VPS26B: variants seen among roughly 807,000 people sequenced by gnomAD.
VPS26B encodes the protein VPS26 retromer complex component B, also known as vacuolar protein sorting-associated protein 26B.
A neutral mutation model predicts 33.3 loss-of-function variants in VPS26B; 10 were observed. The ratio of observed to expected loss-of-function variants is 0.30; its 90% confidence interval spans 0.19 to 0.51. The LOEUF is 0.51. Ranked by LOEUF, VPS26B falls within the 20% of genes least tolerant of loss-of-function variation. The probability of loss-of-function intolerance (pLI) is 0.98; values close to 1 mark genes in which losing one functional copy is unlikely to be tolerated. For missense variants in VPS26B, 317 were observed against 452.7 expected (o/e 0.70, Z 2.72); for synonymous variants, 190 against 176.9 (o/e 1.07, Z -0.59).
Position 134,245,735 on chromosome 11 carries a change from C to A in VPS26B, c.*145C>A, listed in dbSNP as rs545515402. ...ACAAATCATGTTTTTGACTTAAATT[C>A]TTTTCTCTGGAGAACCCAAGGGGCT... On this transcript the variant is annotated 3_prime_UTR_variant, in exon 6 of 6. Coordinates refer to ENST00000281187, the MANE Select transcript of VPS26B (RefSeq NM_052875.5). The surrounding 1 kb of genome is among the most constrained non-coding windows in gnomAD (Gnocchi z 4.7). The A allele has an allele frequency of 4.2e-6, 5 of 1,187,400 alleles. No homozygotes were observed. Among genetic ancestry groups the A allele is most frequent in the African/African-American group, 1.5e-5 (1 of 65,004 alleles). 73.6% of individuals were successfully genotyped at this position (1,187,400 alleles called of 1,614,324 possible).
rs755161463 is a variant in VPS26B, at chr11:134,245,402, C to G, written c.865-42C>G. 3.1e-6 allele frequency: 5 copies of G among 1,607,486 alleles called. No individual in the cohort carries two copies. Among genetic ancestry groups the G allele is most frequent in the Non-Finnish European group, 4.3e-6 (5 of 1,174,628 alleles). On this transcript the variant is annotated intron_variant, in intron 5 of 5. Coordinates refer to ENST00000281187, the MANE Select transcript of VPS26B (RefSeq NM_052875.5). This position sits in a 1 kb window ranked among gnomAD's most constrained non-coding sequence, Gnocchi z 4.7. ...GCCTCTAGGAAACCTGTCCCCATGC[C>G]TCCCTCTAAGGTGTCACATTGCCCC...
In VPS26B at chr11:134,244,617, T is replaced by A. The variant is rs1938782260; in HGVS notation, c.722-321T>A. On this transcript the variant is annotated intron_variant, in intron 4 of 5. Transcript: ENST00000281187. The surrounding 1 kb of genome is among the most constrained non-coding windows in gnomAD (Gnocchi z 4.0). ...GGTGGCTTAACTGGACTTTGACAGC[T>A]GCCTTTTGAAAACCCCAAAACTAAA... The A allele has an allele frequency of 4.6e-6, 1 of 215,476 alleles. No homozygotes were observed. 13.3% of individuals were successfully genotyped at this position (215,476 alleles called of 1,614,324 possible).
At chr11:134,225,533 G>C in intron 1 of VPS26B, 188 bp downstream of exon 1, 2 of 636,610 alleles carry the variant, frequency 3.1e-6, no homozygotes, top group Non-Finnish European at 5.5e-6. Flanking sequence ...CCTGCCAAAA[G>C]TGACAGCGCG....
intron 1 of VPS26B, among the ~76,000 whole-genome samples, chr11:134,230,718 C>T (rs745521679): frequency 2.6e-5 from 4 of 152,230 alleles, no homozygotes; most frequent in East Asian, 1.9e-4. Context: ...ACCTCTGGCC[C>T]GTTTGGTCCT....
At chr11:134,227,061 G>A (rs1938488742) in intron 1 of VPS26B, among the ~76,000 whole-genome samples, 1 of 152,122 alleles carries the variant, frequency 6.6e-6, no homozygotes, top group Admixed American at 6.5e-5. Flanking sequence ...TGTGATGTCT[G>A]GCATCGTTTG....
rs1938849638 is a variant in VPS26B at position 134,247,318 on chromosome 11, T to C, written c.*1728T>C. On this transcript the variant is annotated 3_prime_UTR_variant, in exon 6 of 6. Coordinates refer to ENST00000281187, the MANE Select transcript of VPS26B (RefSeq NM_052875.5). ...CTGGGTTCCTTGCCTTTTCAGAGCA[T>C]GAGGTCAGGCTCTGTATCCCTCCTT... The C allele has an allele frequency of 6.6e-6, 1 of 152,228 alleles. No individual in the cohort carries two copies. The highest frequency in any genetic ancestry group is 6.5e-5 in the Admixed American group (1 of 15,282). The allele number at this position is 152,228 out of a possible 1,614,324, so 9.4% of individuals were successfully genotyped here. A position where few individuals can be genotyped will look rare whatever the true frequency, so the allele number is the denominator to read the frequency against.
intron 1 of VPS26B, among the ~76,000 whole-genome samples, chr11:134,231,399 T>G (rs1002312425): frequency 2.6e-5 from 4 of 152,214 alleles, no homozygotes; most frequent in African/African-American, 4.8e-5. Context: ...CTGGTGGGAC[T>G]GGAGCAGAGC....
In VPS26B at chr11:134,244,862, A is replaced by G. The variant is rs558888318; in HGVS notation, c.722-76A>G. 1.3e-6 allele frequency: 2 copies of G among 1,542,796 alleles called. No individual in the cohort carries two copies. Among genetic ancestry groups the G allele is most frequent in the Admixed American group, 3.8e-5 (2 of 53,106 alleles). On this transcript the variant is annotated intron_variant, in intron 4 of 5. Coordinates refer to ENST00000281187, the MANE Select transcript of VPS26B (RefSeq NM_052875.5). The surrounding 1 kb of genome is among the most constrained non-coding windows in gnomAD (Gnocchi z 4.0). ...TGCTGCACTCCAGTGGCATCTCTGC[A>G]GTGGTCAGAGTGACCTGGTATAAGG...
chr11:134,239,819 A>C, intron 2 of VPS26B, 172 bp from the exon 3 acceptor site: 1 of 695,242 alleles, frequency 1.4e-6, no homozygotes, highest in Non-Finnish European at 2.5e-6. Context: ...GTATAGGTAC[A>C]TATGTGCATC....
chr11:134,228,151 A>G (rs569627511), intron 1 of VPS26B, among the ~76,000 whole-genome samples: 1 of 152,386 alleles, frequency 6.6e-6, no homozygotes, highest in East Asian at 1.9e-4. Flanking sequence ...GATCAAGAAC[A>G]AGGCATTAGA....
rs902840288 is a variant in VPS26B at position 134,240,248 on chromosome 11, C to T, written c.545+93C>T. The T allele has an allele frequency of 7.7e-6, 11 of 1,433,862 alleles. No homozygotes were observed. The highest frequency in any genetic ancestry group is 2.4e-5 in the South Asian group (2 of 82,040). The allele number at this position is 1,433,862 out of a possible 1,614,324, so 88.8% of individuals were successfully genotyped here. A position where few individuals can be genotyped will look rare whatever the true frequency, so the allele number is the denominator to read the frequency against. ...TGCAAACTGATGACCCTCTGTGACTCGACTGCTTTGTGGTGGCATGCGGTG... is the reference window on the plus strand; with the variant it reads ...TGCAAACTGATGACCCTCTGTGACTTGACTGCTTTGTGGTGGCATGCGGTG... On this transcript the variant is annotated intron_variant, in intron 3 of 5. Transcript: ENST00000281187. This position sits in a 1 kb window ranked among gnomAD's most constrained non-coding sequence, Gnocchi z 4.4.
intron 1 of VPS26B, 25 bp downstream of exon 1, chr11:134,225,370 C>G: frequency 6.2e-7 from 1 of 1,610,376 alleles, no homozygotes; most frequent in East Asian, 2.2e-5. Context: ...GGGACCCCCT[C>G]CCCCAGCGCC....
chr11:134,230,300 A>G (rs1017477074), intron 1 of VPS26B, among the ~76,000 whole-genome samples: 12 of 152,246 alleles, frequency 7.9e-5, no homozygotes, highest in Admixed American at 1.3e-4. Flanking sequence ...TTGAATGGAT[A>G]TATTGGTCAA....
chr11:134,225,884 A>C (rs1938455035), intron 1 of VPS26B, among the ~76,000 whole-genome samples: 1 of 152,058 alleles, frequency 6.6e-6, no homozygotes, highest in Non-Finnish European at 1.5e-5. Flanking sequence ...CTCTTACCTC[A>C]CCTCAGCCCT....
intron 3 of VPS26B, among the ~76,000 whole-genome samples, chr11:134,241,760 G>A (rs1425666426): frequency 1.3e-5 from 2 of 152,238 alleles, no homozygotes; most frequent in South Asian, 2.1e-4. Context: ...CTTGCACAGC[G>A]AGCTGCTCTG....
At position 134,246,441 on chromosome 11, in the gene VPS26B, G is replaced by T. The variant is rs1306600446; in HGVS notation, c.*851G>T. Reference sequence around the variant, plus strand: ...AGCAAGCCCTTAACAAGAGGGCCTGGTTCCCTGAAGAACCAATCCCAGGAA... The same window carrying T: ...AGCAAGCCCTTAACAAGAGGGCCTGTTTCCCTGAAGAACCAATCCCAGGAA... On this transcript the variant is annotated 3_prime_UTR_variant, in exon 6 of 6. Transcript: ENST00000281187. 3.3e-5 allele frequency: 5 copies of T among 152,192 alleles called. No homozygotes were observed. The highest frequency in any genetic ancestry group is 1.2e-4 in the African/African-American group (5 of 41,444). 9.4% of individuals were successfully genotyped at this position (152,192 alleles called of 1,614,324 possible).
At chr11:134,235,318 G>A in intron 2 of VPS26B, 1 of 338,910 alleles carries the variant, frequency 3.0e-6, no homozygotes, top group Non-Finnish European at 5.4e-6. Flanking sequence ...GTAGAGGTGG[G>A]AGAGATGTGC....
At chr11:134,231,836 T>C (rs1162263618) in intron 1 of VPS26B, among the ~76,000 whole-genome samples, 3 of 152,252 alleles carry the variant, frequency 2.0e-5, no homozygotes, top group Non-Finnish European at 1.5e-5. Context: ...GTGCTGGGAT[T>C]ACAGGCATGA....
chr11:134,235,280 A>G (rs1442901209), intron 2 of VPS26B: 1 of 432,578 alleles, frequency 2.3e-6, no homozygotes, highest in African/African-American at 2.0e-5. Flanking sequence ...CGCCATGGCC[A>G]ATTTCAAGCT....
Sources: gnomAD v4.1 joint callset for allele counts (sites outside exome capture counted in the v4.1 genomes callset) on GRCh38, gnomAD v4.1.1 for gene constraint, Gnocchi (gnomAD v3.1) non-coding constraint, MANE v1.5 for transcripts, NCBI Gene and HGNC (gene_info 2026-07-23, HGNC 2026-07-21) for gene names.